The following TDRD9 variants were observed in gnomAD, a reference collection of about 807,000 sequenced individuals.
The protein encoded by TDRD9 is tudor domain containing 9.
A neutral mutation model predicts 172.6 loss-of-function variants in TDRD9; 124 were observed. That is an observed-to-expected ratio of 0.72 (90% CI 0.62 to 0.83). TDRD9 has a LOEUF of 0.83. Among genes scored for constraint, TDRD9 ranks in the 40% least tolerant of loss-of-function variants. The probability of loss-of-function intolerance (pLI) is 0.00; values close to 1 mark genes in which losing one functional copy is unlikely to be tolerated. For missense variants in TDRD9, 1,479 were observed against 1,714.1 expected, an observed-to-expected ratio of 0.86 and a Z score of 2.42; for synonymous variants, 619 against 617.1, an observed-to-expected ratio of 1.00 and a Z score of -0.05.
chr14:103,953,140 A>G (rs1280453468), intron 1 of TDRD9, among the ~76,000 whole-genome samples: 1 of 152,132 alleles, frequency 6.6e-6, no homozygotes, highest in East Asian at 1.9e-4. Context: ...AGATATTGTT[A>G]TTTCTCTCTC....
At chr14:103,988,076 G>A (rs1286826440) in intron 8 of TDRD9, among the ~76,000 whole-genome samples, 3 of 151,992 alleles carry the variant, frequency 2.0e-5, no homozygotes, top group Admixed American at 2.0e-4. Context: ...TTCTGTAGTT[G>A]CTGTTTGCAT....
At chr14:103,958,110 C>G (rs771382925) in intron 2 of TDRD9, among the ~76,000 whole-genome samples, 10 of 152,184 alleles carry the variant, frequency 6.6e-5, no homozygotes, top group Non-Finnish European at 1.3e-4. Context: ...CTGATCATCT[C>G]TGATCATTGT....
chr14:103,955,839 A>T, intron 2 of TDRD9, 69 bp downstream of exon 2: 3 of 1,319,960 alleles, frequency 2.3e-6, no homozygotes, highest in Non-Finnish European at 3.2e-6. Context: ...TATTAGGTTC[A>T]TAGTGCATGC....
chr14:103,956,100 AAAAAAAAAAAAATATATAT>A (rs1322557419), intron 2 of TDRD9, among the ~76,000 whole-genome samples: 2 of 55,530 alleles, frequency 3.6e-5, no homozygotes, highest in East Asian at 4.6e-4. Flanking sequence ...AAAAAAAAAA[AAAAAAAAAAAAATATATAT>A]ATATATATAT....
chr14:103,952,204 A>G lies in TDRD9; in HGVS notation c.216-3460A>G, dbSNP rs1566734639. Among the ~76,000 whole-genome samples the G allele has an allele frequency of 2.0e-4, 15 of 74,296 alleles. 2 individuals are homozygous for G. Among genetic ancestry groups the G allele is most frequent in the African/African-American group, 6.9e-4 (10 of 14,552 alleles). 48.7% of individuals were successfully genotyped at this position (74,296 alleles called of 152,430 possible). A position where few individuals can be genotyped will look rare whatever the true frequency, so the allele number is the denominator to read the frequency against. On this transcript the variant is annotated intron_variant, in intron 1 of 35. Coordinates refer to ENST00000409874, the MANE Select transcript of TDRD9 (RefSeq NM_153046.3). ...TGCGTGTGTGTGTATATATATATAT[A>G]TATATATATATATATATTTTTTTTT...
At chr14:103,941,157 C>T (rs2031206368) in intron 1 of TDRD9, 1 of 1,334,518 alleles carries the variant, frequency 7.5e-7, no homozygotes, top group African/African-American at 1.5e-5. Context: ...TGTTATATCT[C>T]TTTATCTCCA....
intron 34 of TDRD9, 67 bp downstream of exon 34, chr14:104,042,254 C>A: frequency 3.6e-6 from 4 of 1,111,354 alleles, no homozygotes; most frequent in East Asian, 2.4e-5. Context: ...TTGATCATGG[C>A]TGTTTTGAAT....
At chr14:104,007,296 C>A in intron 19 of TDRD9, 92 bp downstream of exon 19, 1 of 1,242,330 alleles carries the variant, frequency 8.0e-7, no homozygotes, top group Non-Finnish European at 1.1e-6. Context: ...TGAATCATGA[C>A]GGTGCCACCT....
chr14:103,951,911 C>G (rs1344145534), intron 1 of TDRD9, among the ~76,000 whole-genome samples: 2 of 151,306 alleles, frequency 1.3e-5, no homozygotes, highest in Admixed American at 6.6e-5. Flanking sequence ...GGACCACAGG[C>G]GCCCGCCACC....
intron 1 of TDRD9, chr14:103,939,733 GAAAAAAAGTGTTTTTTT>G (rs1566724592): frequency 1.0e-4 from 1 of 9,526 alleles, no homozygotes; most frequent in Non-Finnish European, 2.2e-4. Flanking sequence ...TAGTCTTTTT[GAAAAAAAGTGTTTTTTT>G]TTTTTTTTTT....
intron 6 of TDRD9, among the ~76,000 whole-genome samples, chr14:103,971,377 T>C (rs1054344790): frequency 6.6e-6 from 1 of 151,604 alleles, no homozygotes; most frequent in Non-Finnish European, 1.5e-5. Flanking sequence ...CGATCTCAGC[T>C]CACTGCCACC....
intron 9 of TDRD9, among the ~76,000 whole-genome samples, chr14:103,993,538 T>G (rs547474319): frequency 8.5e-5 from 13 of 152,300 alleles, no homozygotes; most frequent in African/African-American, 2.9e-4. Flanking sequence ...GGCTAGATGT[T>G]CAAAATCGAG....
At chr14:103,943,476 A>T (rs1053994712) in intron 1 of TDRD9, among the ~76,000 whole-genome samples, 3 of 150,168 alleles carry the variant, frequency 2.0e-5, no homozygotes, top group Admixed American at 2.0e-4. Context: ...ATATACACAC[A>T]TATATAATAC....
chr14:103,941,039 C>T, intron 1 of TDRD9: 2 of 1,535,374 alleles, frequency 1.3e-6, no homozygotes, highest in Non-Finnish European at 1.7e-6. Context: ...TCTTTCAGAA[C>T]TTGCTTGAAG....
rs184408479 is a variant in TDRD9, at chr14:103,946,764, C to A, written c.216-8900C>A. On this transcript the variant is annotated intron_variant, in intron 1 of 35. Transcript: ENST00000409874. ...TTTCTATACCCTAACAATGAACAAT[C>A]TAAAAAGGAAATTACAAAACTATTC... 2.0e-5 allele frequency among the ~76,000 whole-genome samples: 3 copies of A among 152,172 alleles called. No individual in the cohort carries two copies. The East Asian group carries it at 5.8e-4, about 29-fold the overall frequency.
intron 1 of TDRD9, chr14:103,928,945 T>C (rs920185451): frequency 1.3e-4 from 28 of 212,854 alleles, no homozygotes; most frequent in South Asian, 7.9e-4. Flanking sequence ...TTTTTTTTTT[T>C]CAGTTCTTAA....
At chr14:103,978,934 C>T (rs572953407) in intron 7 of TDRD9, among the ~76,000 whole-genome samples, 85 of 152,182 alleles carry the variant, frequency 5.6e-4, no homozygotes, top group South Asian at 1.0e-3. Context: ...CATTCAGTAG[C>T]CTCCTATAGC....
intron 2 of TDRD9, among the ~76,000 whole-genome samples, chr14:103,960,051 C>T (rs750474762): frequency 6.6e-6 from 1 of 152,046 alleles, no homozygotes; most frequent in Non-Finnish European, 1.5e-5. Context: ...GTCTAATAAC[C>T]GAAAGAGAAA....
chr14:103,944,205 T>A (rs568056231), intron 1 of TDRD9, among the ~76,000 whole-genome samples: 2 of 145,528 alleles, frequency 1.4e-5, no homozygotes, highest in Admixed American at 7.1e-5. Flanking sequence ...TCTACAGTCT[T>A]ACGTTATCCC....
Sources: allele counts gnomAD v4.1 joint callset (sites outside exome capture counted in the v4.1 genomes callset), GRCh38; gene constraint gnomAD v4.1.1; transcripts MANE v1.5; gene names NCBI Gene and HGNC (gene_info 2026-07-23, HGNC 2026-07-21).